The following BIRC6 variants were observed in gnomAD, a reference collection of about 807,000 sequenced individuals.
BIRC6 encodes the protein dual E2 ubiquitin-conjugating enzyme/E3 ubiquitin-protein ligase BIRC6.
BIRC6 carries 98 observed loss-of-function variants against 503.3 expected under a neutral mutation model. The ratio of observed to expected loss-of-function variants is 0.19; its 90% CI spans 0.17 to 0.23. The LOEUF (loss-of-function observed/expected upper bound fraction) is 0.23. Among genes scored for constraint, BIRC6 ranks in the 10% least tolerant of loss-of-function variants. The probability of loss-of-function intolerance (pLI) is 1.00; values close to 1 mark genes in which losing one functional copy is unlikely to be tolerated. For missense variants in BIRC6, 5,360 were observed against 5,806.0 expected, an observed-to-expected ratio of 0.92 and a Z score of 2.50; for synonymous variants, 2,240 against 2,078.7, an observed-to-expected ratio of 1.08 and a Z score of -2.11.
intron 6 of BIRC6, among the ~76,000 whole-genome samples, chr2:32,399,413 G>T (rs983306883): frequency 2.0e-5 from 3 of 152,220 alleles, no homozygotes; most frequent in Non-Finnish European, 2.9e-5. Context: ...ACGGGGTCTT[G>T]CTATATTGTC....
chr2:32,574,128 C>CCACAT, intron 65 of BIRC6, among the ~76,000 whole-genome samples: 1 of 151,762 alleles, frequency 6.6e-6, no homozygotes, highest in Admixed American at 6.6e-5. Context: ...GTACCAACCC[C>CCACAT]CACATATTTG....
chr2:32,511,542 G>A (rs1350237092), intron 53 of BIRC6, among the ~76,000 whole-genome samples: 2 of 136,626 alleles, frequency 1.5e-5, no homozygotes, highest in African/African-American at 2.8e-5. Context: ...GTGTTAGTCA[G>A]GATGGTCTCA....
At chr2:32,497,907 G>T (rs1411728926) in intron 45 of BIRC6, among the ~76,000 whole-genome samples, 2 of 151,966 alleles carry the variant, frequency 1.3e-5, no homozygotes, top group Non-Finnish European at 2.9e-5. Context: ...TACATTTAAT[G>T]TAATTATTGA....
chr2:32,592,155 A>G (rs2061421873), intron 66 of BIRC6, among the ~76,000 whole-genome samples: 1 of 152,216 alleles, frequency 6.6e-6, no homozygotes, highest in Non-Finnish European at 1.5e-5. Flanking sequence ...ATTCAGATAC[A>G]TGTACATAGA....
intron 26 of BIRC6, among the ~76,000 whole-genome samples, chr2:32,466,942 A>T (rs1464108398): frequency 2.6e-5 from 4 of 151,854 alleles, no homozygotes; most frequent in Admixed American, 1.3e-4. Flanking sequence ...GCTTGGTGAA[A>T]CCCTGTCTCT....
Position 32,489,962 on chromosome 2 carries a change from T to C in BIRC6, c.8096-79T>C. 3.0e-6 allele frequency: 3 copies of C among 1,011,498 alleles called. No homozygotes were observed. The South Asian group carries it at 4.2e-5, about 14-fold the overall frequency. The allele number at this position is 1,011,498 out of a possible 1,614,324, so 62.7% of individuals were successfully genotyped here. A position where few individuals can be genotyped will look rare whatever the true frequency, so the allele number is the denominator to read the frequency against. On this transcript the variant is annotated intron_variant, in intron 42 of 73. Transcript: ENST00000421745. ...GATTTAAAGAAATAGTGTCTTGTTT[T>C]TAAATTTATTCTTTTGACTTAGTTC...
chr2:32,421,667 T>C (rs1371913713), intron 10 of BIRC6, among the ~76,000 whole-genome samples: 1 of 152,242 alleles, frequency 6.6e-6, no homozygotes, highest in Non-Finnish European at 1.5e-5. Context: ...GTTCTGGATC[T>C]CAAACTTATT....
chr2:32,392,764 A>G (rs2039403941), intron 5 of BIRC6, among the ~76,000 whole-genome samples: 1 of 151,188 alleles, frequency 6.6e-6, no homozygotes, highest in Admixed American at 6.6e-5. Context: ...AGCTGAGACT[A>G]CAGGTGTGTG....
At chr2:32,403,929 T>TG (rs1491334520) in intron 8 of BIRC6, among the ~76,000 whole-genome samples, 75 of 36,704 alleles carry the variant, frequency 2.0e-3, no homozygotes, top group South Asian at 2.6e-3. Flanking sequence ...TGTGTGTGTG[T>TG]TTTTTTTTTT....
intron 4 of BIRC6, 26 bp downstream of exon 4, chr2:32,388,969 C>T (rs746447422): frequency 7.5e-7 from 1 of 1,335,120 alleles, no homozygotes; most frequent in Non-Finnish European, 9.8e-7. Context: ...ACAAAGGTGA[C>T]AGTGAGATAG....
chr2:32,528,118 T>G (rs1449646120), intron 59 of BIRC6: 1 of 152,298 alleles, frequency 6.6e-6, no homozygotes, highest in African/African-American at 2.4e-5. Flanking sequence ...CTCAGCTGCT[T>G]CTGATGTTTC....
chr2:32,375,810 C>T (rs550092126), intron 1 of BIRC6, among the ~76,000 whole-genome samples: 4 of 148,738 alleles, frequency 2.7e-5, no homozygotes, highest in Non-Finnish European at 4.4e-5. Context: ...CTTTTGGGAA[C>T]ACTTCGAGCA....
chr2:32,395,339 A>G (rs1175807813), intron 5 of BIRC6, among the ~76,000 whole-genome samples, 172 bp from the exon 6 acceptor site: 1 of 152,246 alleles, frequency 6.6e-6, no homozygotes, highest in Non-Finnish European at 1.5e-5. Flanking sequence ...GCAGGCAATT[A>G]ATAAATATTT....
chr2:32,380,048 A>T lies in BIRC6; in HGVS notation c.508-105A>T, dbSNP rs191887033. Reference sequence around the variant, plus strand: ...AGGTAAGTTTAGTATAGTACCTGTCATAATCATTGCATATTAAAATATCTG... The same window carrying T: ...AGGTAAGTTTAGTATAGTACCTGTCTTAATCATTGCATATTAAAATATCTG... On this transcript the variant is annotated intron_variant, in intron 2 of 73. Transcript: ENST00000421745. The T allele has an allele frequency of 1.4e-5, 11 of 783,412 alleles. No individual in the cohort carries two copies. In the East Asian group the frequency reaches 3.1e-4, roughly 22 times the overall value. 48.5% of individuals were successfully genotyped at this position (783,412 alleles called of 1,614,324 possible). A position where few individuals can be genotyped will look rare whatever the true frequency, so the allele number is the denominator to read the frequency against.
chr2:32,485,124 G>A (rs748997361), intron 39 of BIRC6, among the ~76,000 whole-genome samples: 3 of 152,104 alleles, frequency 2.0e-5, no homozygotes, highest in Non-Finnish European at 2.9e-5. Context: ...CCATGATTTC[G>A]TCATGGATAT....
At chr2:32,597,572 G>A (rs1573280923) in intron 68 of BIRC6, among the ~76,000 whole-genome samples, 179 bp from the exon 69 acceptor site, 1 of 152,256 alleles carries the variant, frequency 6.6e-6, no homozygotes, top group Non-Finnish European at 1.5e-5. Flanking sequence ...ATCTGGCAGT[G>A]CTAATCCATC....
intron 65 of BIRC6, among the ~76,000 whole-genome samples, chr2:32,573,471 C>T (rs1250101290): frequency 1.3e-5 from 2 of 152,124 alleles, no homozygotes; most frequent in African/African-American, 2.4e-5. Flanking sequence ...GGTGAAATTG[C>T]AGGTGTGAGT....
At chr2:32,363,572 C>T (rs567847755) in intron 1 of BIRC6, among the ~76,000 whole-genome samples, 2 of 152,216 alleles carry the variant, frequency 1.3e-5, no homozygotes, top group African/African-American at 2.4e-5. Context: ...TAATGCCCCT[C>T]CCCAGTGTAG....
rs190229545 is a variant in BIRC6 at position 32,382,955 on chromosome 2, C to A, written c.645+2665C>A. Among the ~76,000 whole-genome samples the A allele has an allele frequency of 3.5e-3, 529 of 152,162 alleles. 6 individuals carry two copies. The highest frequency in any genetic ancestry group is 0.012 in the African/African-American group (517 of 41,494). On this transcript the variant is annotated intron_variant, in intron 3 of 73. Transcript: ENST00000421745. Reference sequence around the variant, plus strand: ...GTCAGGCTGGTCTCGAACTCCTGACCTCATGATCCACCCACCTTGGCCTCC... The same window carrying A: ...GTCAGGCTGGTCTCGAACTCCTGACATCATGATCCACCCACCTTGGCCTCC...
Sources: allele counts gnomAD v4.1 joint callset (sites outside exome capture counted in the v4.1 genomes callset), GRCh38; gene constraint gnomAD v4.1.1; transcripts MANE v1.5; gene names NCBI Gene and HGNC (gene_info 2026-07-23, HGNC 2026-07-21).